Variants in FAM72C observed in about 807,000 individuals in gnomAD.
FAM72C encodes RUMY family member 3.
Under a neutral mutation model 5.2 loss-of-function variants are expected in FAM72C, and 1 was observed. The observed-to-expected ratio is 0.19, with a 90% CI of 0.07 to 0.91. The LOEUF (loss-of-function observed/expected upper bound fraction) is 0.91. FAM72C is among the 40% of genes least tolerant of loss of function. FAM72C has a pLI of 0.66. For missense variants in FAM72C, 4 were observed against 66.0 expected (o/e 0.06, Z 3.25); for synonymous variants, 1 against 21.8 (o/e 0.05, Z 2.66).
chr1:143,959,050 T>C (rs1304735883), intron 3 of FAM72C, among the ~76,000 whole-genome samples: 2 of 131,020 alleles, frequency 1.5e-5, no homozygotes, highest in African/African-American at 6.2e-5. Flanking sequence ...ATGAAGCAGC[T>C]CAGCACAATT....
chr1:143,967,082 C>A (rs1156932126), intron 2 of FAM72C, among the ~76,000 whole-genome samples: 1 of 144,044 alleles, frequency 6.9e-6, no homozygotes, highest in Non-Finnish European at 1.5e-5. Flanking sequence ...CACCTGTAAT[C>A]TCACACTTTG....
rs1346406110 is a variant in FAM72C at position 143,960,748 on chromosome 1, A to G, written c.355+4107T>C. ...AAAAAAAAAAAAAAAAAGAATTAGT[A>G]TTTCAGTGCCTCAGCACCTTAACAC... On this transcript the variant is annotated intron_variant, in intron 3 of 3. Coordinates refer to ENST00000584486, the MANE Select transcript of FAM72C (RefSeq NM_001287385.2). Among the ~76,000 whole-genome samples, 3 of 140,522 alleles carry G rather than the reference A, an allele frequency of 2.1e-5. 1 individual carries two copies. Among genetic ancestry groups the G allele is most frequent in the Admixed American group, 1.4e-4 (2 of 13,948 alleles). 92.2% of individuals were successfully genotyped at this position (140,522 alleles called of 152,430 possible).
chr1:143,966,825 C>T (rs1272591707), intron 2 of FAM72C, among the ~76,000 whole-genome samples: 69 of 129,860 alleles, frequency 5.3e-4, no homozygotes, highest in Middle Eastern at 5.7e-3. Context: ...GTCAGGAGTT[C>T]GAGACCAGCC....
intron 2 of FAM72C, among the ~76,000 whole-genome samples, chr1:143,967,272 G>T (rs1394250559): frequency 6.2e-5 from 9 of 145,862 alleles, no homozygotes; most frequent in Middle Eastern, 3.5e-3. Flanking sequence ...GAGCTCAGGA[G>T]TTTGAGAGCA....
intron 2 of FAM72C, among the ~76,000 whole-genome samples, chr1:143,967,224 T>A (rs1192925874): frequency 6.9e-6 from 1 of 145,534 alleles, no homozygotes; most frequent in East Asian, 2.0e-4. Flanking sequence ...ACGCCTGTAA[T>A]CCTAGCACTT....
chr1:143,959,861 CA>C (rs1661551440), intron 3 of FAM72C, among the ~76,000 whole-genome samples: 1 of 134,570 alleles, frequency 7.4e-6, no homozygotes, highest in African/African-American at 3.2e-5. Flanking sequence ...CCTGTGGTCC[CA>C]CCTATTGAGA....
Position 143,962,080 on chromosome 1 carries a change from T to A in FAM72C, c.355+2775A>T, listed in dbSNP as rs1384784846. ...CCCAGGCTGGAGTGCAATGGCGTGA[T>A]CTTGGCTCACCGCAACCTCCGCCTC... On this transcript the variant is annotated intron_variant, in intron 3 of 3. Transcript: ENST00000584486. 2.2e-4 allele frequency among the ~76,000 whole-genome samples: 30 copies of A among 139,022 alleles called. 3 individuals are homozygous for A. The highest frequency in any genetic ancestry group is 4.0e-4 in the Non-Finnish European group (25 of 62,900). The allele number at this position is 139,022 out of a possible 152,430, so 91.2% of individuals were successfully genotyped here. A position where few individuals can be genotyped will look rare whatever the true frequency, so the allele number is the denominator to read the frequency against.
intron 2 of FAM72C, among the ~76,000 whole-genome samples, chr1:143,965,734 C>T (rs1203674156): frequency 6.9e-5 from 5 of 72,288 alleles, no homozygotes; most frequent in Non-Finnish European, 1.4e-4. Flanking sequence ...GGTAGGAAGA[C>T]AGCATGAGTC....
intron 2 of FAM72C, among the ~76,000 whole-genome samples, chr1:143,967,530 A>C (rs1661809822): frequency 7.2e-6 from 1 of 139,266 alleles, no homozygotes; most frequent in African/African-American, 2.7e-5. Context: ...AAGGCCAGTG[A>C]CTTCATCTAG....
chr1:143,960,648 G>A (rs1553517785), intron 3 of FAM72C, among the ~76,000 whole-genome samples: 1 of 129,886 alleles, frequency 7.7e-6, no homozygotes, highest in East Asian at 2.3e-4. Flanking sequence ...TTGAACCCGG[G>A]AGGCAGAGGC....
At chr1:143,966,084 C>A (rs1385989146) in intron 2 of FAM72C, among the ~76,000 whole-genome samples, 4 of 103,096 alleles carry the variant, frequency 3.9e-5, no homozygotes, top group African/African-American at 1.2e-4. Context: ...TTTTATGAGA[C>A]CCAATAAAGA....
At chr1:143,962,589 C>T (rs868925931) in intron 3 of FAM72C, among the ~76,000 whole-genome samples, 19 of 60,970 alleles carry the variant, frequency 3.1e-4, no homozygotes, top group African/African-American at 5.6e-4. Context: ...CCACTGCATC[C>T]GGCAGAGATT....
intron 3 of FAM72C, among the ~76,000 whole-genome samples, chr1:143,961,930 G>A (rs1413727268): frequency 2.7e-5 from 4 of 146,930 alleles, no homozygotes; most frequent in East Asian, 4.0e-4. Flanking sequence ...AAGTGCAGAC[G>A]TAGAAGCTGC....
chr1:143,961,991 C>T (rs1319640107), intron 3 of FAM72C, among the ~76,000 whole-genome samples: 2 of 146,534 alleles, frequency 1.4e-5, no homozygotes, highest in Admixed American at 1.4e-4. Context: ...GGTGGCTACA[C>T]TAAACAACAG....
intron 3 of FAM72C, among the ~76,000 whole-genome samples, chr1:143,960,643 C>G (rs1160136342): frequency 7.6e-6 from 1 of 130,938 alleles, no homozygotes; most frequent in South Asian, 2.6e-4. Context: ...ATCGCTTGAA[C>G]CCGGGAGGCA....
intron 3 of FAM72C, among the ~76,000 whole-genome samples, chr1:143,958,162 ATGT>A (rs1661492353): frequency 7.7e-6 from 1 of 129,262 alleles, no homozygotes; most frequent in Non-Finnish European, 1.7e-5. Context: ...TTTGTATAGA[ATGT>A]TATTACACTA....
chr1:143,965,995 C>A (rs1661762637), intron 2 of FAM72C, among the ~76,000 whole-genome samples: 2 of 95,912 alleles, frequency 2.1e-5, no homozygotes, highest in South Asian at 4.2e-4. Context: ...AAAATAGCAA[C>A]ATGAACTGTT....
rs587626471 is a variant in FAM72C, at chr1:143,959,931, T to C, written c.356-3450A>G. Reference sequence around the variant, plus strand: ...GGTCGAGGCTGCAGTGAGCCAAGATTGTGCCACTACACTCCAGCCTGGGTG... The same window carrying C: ...GGTCGAGGCTGCAGTGAGCCAAGATCGTGCCACTACACTCCAGCCTGGGTG... On this transcript the variant is annotated intron_variant, in intron 3 of 3. Coordinates refer to ENST00000584486, the MANE Select transcript of FAM72C (RefSeq NM_001287385.2). Among the ~76,000 whole-genome samples the C allele has an allele frequency of 4.2e-4, 58 of 137,472 alleles. 6 individuals carry two copies. Among genetic ancestry groups the C allele is most frequent in the African/African-American group, 1.7e-3 (58 of 34,212 alleles). The allele number at this position is 137,472 out of a possible 152,430, so 90.2% of individuals were successfully genotyped here.
intron 2 of FAM72C, among the ~76,000 whole-genome samples, chr1:143,965,829 C>A (rs1661758162): frequency 9.7e-6 from 1 of 103,176 alleles, no homozygotes; most frequent in African/African-American, 3.5e-5. Context: ...TCTACAGCCT[C>A]CAGAGAAAGT....
Sources: gnomAD v4.1 joint callset for allele counts (sites outside exome capture counted in the v4.1 genomes callset) on GRCh38, gnomAD v4.1.1 for gene constraint, MANE v1.5 for transcripts, NCBI Gene and HGNC (gene_info 2026-07-23, HGNC 2026-07-21) for gene names.